MGAT4C: variants seen among roughly 807,000 people sequenced by gnomAD.
MGAT4C encodes alpha-1,3-mannosyl-glycoprotein 4-beta-N-acetylglucosaminyltransferase C.
MGAT4C carries 19 observed loss-of-function variants against 40.1 expected under a neutral mutation model. The observed-to-expected ratio is 0.47, with a 90% CI of 0.33 to 0.70. The LOEUF (loss-of-function observed/expected upper bound fraction) is 0.70, where lower values mean the gene tolerates loss of function less well. Among genes scored for constraint, MGAT4C ranks in the 30% least tolerant of loss-of-function variants. MGAT4C has a pLI of 0.02. For missense variants in MGAT4C, 491 were observed against 563.2 expected, an observed-to-expected ratio of 0.87 and a Z score of 1.30; for synonymous variants, 181 against 187.1, an observed-to-expected ratio of 0.97 and a Z score of 0.27.
chr12:86,212,490 T>C (rs989721777), intron 1 of MGAT4C, among the ~76,000 whole-genome samples: 5 of 152,116 alleles, frequency 3.3e-5, no homozygotes, highest in Non-Finnish European at 1.5e-5. Flanking sequence ...TTTTGTTTAT[T>C]GGGTTATATT....
At position 86,466,906 on chromosome 12, in the gene MGAT4C, A is replaced by G. The variant is rs112326155; in HGVS notation, c.-228-31641T>C. 3.2e-3 allele frequency among the ~76,000 whole-genome samples: 494 copies of G among 152,318 alleles called. 2 individuals carry two copies. The highest frequency in any genetic ancestry group is 0.012 in the African/African-American group (480 of 41,588). On this transcript the variant is annotated intron_variant, in intron 2 of 7. Coordinates refer to the MGAT4C transcript ENST00000548651. Reference sequence around the variant, plus strand: ...ATATTTGGAAAATCACATAATTTCTATAAATTTCTAAGTTGTATAATTTTT... The same window carrying G: ...ATATTTGGAAAATCACATAATTTCTGTAAATTTCTAAGTTGTATAATTTTT...
intron 1 of MGAT4C, among the ~76,000 whole-genome samples, chr12:86,217,352 T>C (rs1950712217): frequency 6.6e-6 from 1 of 152,090 alleles, no homozygotes; most frequent in Admixed American, 6.5e-5. Flanking sequence ...ATTTTTGTAT[T>C]GTTAGTACAG....
chr12:86,097,502 A>G (rs1033006342), intron 1 of MGAT4C, among the ~76,000 whole-genome samples: 1 of 151,576 alleles, frequency 6.6e-6, no homozygotes, highest in African/African-American at 2.4e-5. Context: ...TTTGCTTAAT[A>G]TAAATAGTTA....
intron 2 of MGAT4C, among the ~76,000 whole-genome samples, chr12:86,654,306 T>G (rs1963779154): frequency 6.7e-6 from 1 of 149,386 alleles, no homozygotes; most frequent in South Asian, 2.1e-4. Context: ...TAACTTAATA[T>G]AGAAGTTAGA....
chr12:86,141,084 G>T (rs532136445), intron 1 of MGAT4C, among the ~76,000 whole-genome samples: 10 of 152,276 alleles, frequency 6.6e-5, no homozygotes, highest in African/African-American at 1.9e-4. Flanking sequence ...GAGGAACATG[G>T]TTGAGCTAGC....
At chr12:86,598,524 A>C (rs1961630364) in intron 2 of MGAT4C, among the ~76,000 whole-genome samples, 1 of 152,092 alleles carries the variant, frequency 6.6e-6, no homozygotes, top group Admixed American at 6.6e-5. Flanking sequence ...AGTCTTTAAA[A>C]CTTCAAAGGA....
intron 4 of MGAT4C, among the ~76,000 whole-genome samples, chr12:86,295,113 T>A (rs750771304): frequency 6.6e-6 from 1 of 152,212 alleles, no homozygotes; most frequent in Non-Finnish European, 1.5e-5. Flanking sequence ...TAACTACTTA[T>A]TATTTTATTC....
At chr12:86,389,959 T>G (rs528048155) in intron 3 of MGAT4C, among the ~76,000 whole-genome samples, 1 of 152,340 alleles carries the variant, frequency 6.6e-6, no homozygotes, top group South Asian at 2.1e-4. Context: ...TATAGAAGTC[T>G]TAAATGTATT....
At chr12:86,338,588 C>G (rs149177220) in intron 3 of MGAT4C, among the ~76,000 whole-genome samples, 2 of 152,160 alleles carry the variant, frequency 1.3e-5, no homozygotes, top group African/African-American at 4.8e-5. Context: ...AGCCTATGCC[C>G]AGGAATGAAC....
chr12:85,988,874 GGGT>G (rs1464810220), intron 3 of MGAT4C, among the ~76,000 whole-genome samples: 12 of 151,848 alleles, frequency 7.9e-5, no homozygotes, highest in African/African-American at 2.9e-4. Flanking sequence ...TCTTTTCAGT[GGGT>G]ACAAATATAA....
intron 1 of MGAT4C, among the ~76,000 whole-genome samples, chr12:86,190,836 G>A (rs540686137): frequency 4.6e-5 from 7 of 151,950 alleles, no homozygotes; most frequent in Non-Finnish European, 1.0e-4. Flanking sequence ...AAAGCAAAGA[G>A]ATAATCCTTA....
chr12:86,763,503 C>A (rs752504725), intron 1 of MGAT4C, among the ~76,000 whole-genome samples: 7 of 152,070 alleles, frequency 4.6e-5, no homozygotes, highest in Non-Finnish European at 7.4e-5. Context: ...AATTTATAAA[C>A]AACTAGAAAG....
intron 2 of MGAT4C, among the ~76,000 whole-genome samples, chr12:86,711,564 TG>T (rs1201597759): frequency 6.6e-6 from 1 of 152,208 alleles, no homozygotes; most frequent in Non-Finnish European, 1.5e-5. Context: ...GTTCTTATAT[TG>T]TTTTTTCTTT....
At chr12:85,993,975 C>G (rs781682615) in intron 2 of MGAT4C, among the ~76,000 whole-genome samples, 1 of 152,052 alleles carries the variant, frequency 6.6e-6, no homozygotes. Flanking sequence ...GGGTGCAGAC[C>G]GCAGAGAAGT....
chr12:86,738,026 C>A (rs1209467961), intron 1 of MGAT4C, among the ~76,000 whole-genome samples: 2 of 151,568 alleles, frequency 1.3e-5, no homozygotes, highest in Non-Finnish European at 3.0e-5. Context: ...TTTAATTGAT[C>A]ACTGTTTTCC....
intron 1 of MGAT4C, among the ~76,000 whole-genome samples, chr12:86,771,386 G>A (rs540248608): frequency 6.6e-6 from 1 of 152,226 alleles, no homozygotes; most frequent in Non-Finnish European, 1.5e-5. Flanking sequence ...TTTATGTAGA[G>A]GCTGGAAGAG....
At chr12:86,721,925 G>A (rs915942741) in intron 2 of MGAT4C, among the ~76,000 whole-genome samples, 4 of 152,018 alleles carry the variant, frequency 2.6e-5, no homozygotes, top group African/African-American at 9.7e-5. Flanking sequence ...AGAATGGTTA[G>A]CCCAGATATT....
At chr12:86,364,322 T>A (rs905479386) in intron 3 of MGAT4C, among the ~76,000 whole-genome samples, 1 of 152,128 alleles carries the variant, frequency 6.6e-6, no homozygotes, top group Non-Finnish European at 1.5e-5. Context: ...CAACAAAATA[T>A]AACATGTTGT....
In MGAT4C at chr12:85,980,250, T is replaced by A; in HGVS notation, c.476A>T (p.Lys159Ile). 6.2e-7 allele frequency: 1 copy of A among 1,613,952 alleles called. No individual in the cohort carries two copies. Among genetic ancestry groups the A allele is most frequent in the South Asian group, 1.1e-5 (1 of 91,084 alleles). The change falls in exon 5 of 5, where the codon AAA becomes ATA. Residue 159 changes from lysine to isoleucine, a missense_variant. Physicochemically the swap from Lys to Ile is moderately radical, Grantham distance 102. Transcript: ENST00000611864. ...RDAMVQDITQ[K>I]FAHHIIAGRL... Reference sequence around the variant, plus strand: ...TCCTGCAATAATATGGTGCGCAAATTTCTGTGTAATATCCTGGACCATGGC... The same window carrying A: ...TCCTGCAATAATATGGTGCGCAAATATCTGTGTAATATCCTGGACCATGGC...
Sources: allele counts gnomAD v4.1 joint callset (sites outside exome capture counted in the v4.1 genomes callset), GRCh38; gene constraint gnomAD v4.1.1; transcripts MANE v1.5; gene names NCBI Gene and HGNC (gene_info 2026-07-23, HGNC 2026-07-21).